SOX5: variants seen among roughly 807,000 people sequenced by gnomAD.
The protein encoded by SOX5 is SRY-box transcription factor 5, also known as transcription factor SOX-5.
Under a neutral mutation model 92.0 loss-of-function variants are expected in SOX5, and 9 were observed. The observed-to-expected ratio is 0.10, with a 90% CI of 0.06 to 0.17. The LOEUF is 0.17. SOX5 is among the 10% of genes least tolerant of loss of function. SOX5 has a pLI of 1.00. For synonymous variants in SOX5, 344 were observed against 336.3 expected, an observed-to-expected ratio of 1.02 and a Z score of -0.25; for missense variants, 642 against 944.5, an observed-to-expected ratio of 0.68 and a Z score of 4.20.
At chr12:23,566,748 T>A (rs1035110962) in intron 10 of SOX5, among the ~76,000 whole-genome samples, 1 of 152,216 alleles carries the variant, frequency 6.6e-6, no homozygotes, top group African/African-American at 2.4e-5. Flanking sequence ...TGAGTAAATA[T>A]CATCTTTTAT....
intron 3 of SOX5, among the ~76,000 whole-genome samples, chr12:23,795,711 CAGTT>C (rs1366983989): frequency 1.3e-5 from 2 of 152,068 alleles, no homozygotes; most frequent in East Asian, 3.9e-4. Context: ...TGCTGTGTAT[CAGTT>C]AGTGAATTTC....
At chr12:23,578,046 G>A (rs573959858) in intron 9 of SOX5, among the ~76,000 whole-genome samples, 15 of 141,294 alleles carry the variant, frequency 1.1e-4, no homozygotes, top group African/African-American at 2.9e-4. Flanking sequence ...ACCTGAACCC[G>A]GGAGGCGGAG....
chr12:24,055,712 CAATT>C (rs1276607754), intron 4 of SOX5, among the ~76,000 whole-genome samples: 1 of 151,822 alleles, frequency 6.6e-6, no homozygotes, highest in African/African-American at 2.4e-5. Flanking sequence ...TCTTGTCTAA[CAATT>C]AGTTGCAAAG....
intron 2 of SOX5, among the ~76,000 whole-genome samples, chr12:24,358,630 C>T (rs992901073): frequency 2.8e-5 from 4 of 141,600 alleles, no homozygotes; most frequent in Non-Finnish European, 6.1e-5. Flanking sequence ...AAAAAATTGT[C>T]CTTTCACTGT....
chr12:23,951,731 T>C (rs1041262849), upstream of SOX5, among the ~76,000 whole-genome samples: 3 of 151,988 alleles, frequency 2.0e-5, no homozygotes, highest in Non-Finnish European at 4.4e-5. Context: ...TAACAAAACA[T>C]AGAACTATGA....
At chr12:24,222,824 G>T (rs1960817473) in intron 3 of SOX5, among the ~76,000 whole-genome samples, 1 of 152,130 alleles carries the variant, frequency 6.6e-6, no homozygotes, top group African/African-American at 2.4e-5. Context: ...TCTAATTGTG[G>T]GATTTCAAAC....
intron 1 of SOX5, among the ~76,000 whole-genome samples, chr12:24,523,117 C>T (rs1950397716): frequency 2.0e-5 from 3 of 151,908 alleles, no homozygotes; most frequent in African/African-American, 4.8e-5. Context: ...TATACACCAA[C>T]AATAAACTGA....
intron 3 of SOX5, among the ~76,000 whole-genome samples, chr12:23,836,529 G>T (rs1353662266): frequency 6.6e-6 from 1 of 151,956 alleles, no homozygotes; most frequent in African/African-American, 2.4e-5. Flanking sequence ...CAACCCATAT[G>T]CAAATCTAAT....
intron 4 of SOX5, among the ~76,000 whole-genome samples, chr12:24,133,704 A>T (rs1027787741): frequency 5.3e-5 from 8 of 152,072 alleles, no homozygotes; most frequent in Non-Finnish European, 1.2e-4. Flanking sequence ...ATAAAATGAG[A>T]TTCCTTAGGG....
At chr12:24,263,087 A>G (rs1277547669) in intron 3 of SOX5, among the ~76,000 whole-genome samples, 3 of 151,848 alleles carry the variant, frequency 2.0e-5, no homozygotes, top group South Asian at 4.2e-4. Context: ...TTAGCCGGAC[A>G]TGATGGCGGG....
intron 3 of SOX5, among the ~76,000 whole-genome samples, chr12:24,216,244 G>A (rs1035767640): frequency 3.3e-5 from 5 of 152,298 alleles, no homozygotes; most frequent in African/African-American, 9.6e-5. Flanking sequence ...AGCACTTTGG[G>A]AGGCCGAGGC....
intron 4 of SOX5, among the ~76,000 whole-genome samples, chr12:24,109,594 A>G (rs1356731362): frequency 6.6e-6 from 1 of 152,178 alleles, no homozygotes; most frequent in Non-Finnish European, 1.5e-5. Flanking sequence ...TCTTTATGCA[A>G]ATATCGAAGC....
intron 1 of SOX5, among the ~76,000 whole-genome samples, chr12:24,559,620 A>G (rs974427300): frequency 1.3e-5 from 2 of 152,184 alleles, no homozygotes; most frequent in South Asian, 4.1e-4. Flanking sequence ...TAAGCATTTA[A>G]ATTCATTCCT....
At chr12:23,718,130 ATG>A (rs1355635192) in intron 6 of SOX5, among the ~76,000 whole-genome samples, 2 of 152,200 alleles carry the variant, frequency 1.3e-5, no homozygotes, top group Non-Finnish European at 2.9e-5. Context: ...AGCCATAAAT[ATG>A]TGTGTATGTG....
intron 11 of SOX5, among the ~76,000 whole-genome samples, chr12:23,551,081 A>G (rs1200574415): frequency 1.3e-5 from 2 of 152,096 alleles, no homozygotes; most frequent in East Asian, 1.9e-4. Context: ...AAGCTCACAA[A>G]GCTATAAAAG....
chr12:24,194,565 G>T (rs577112463), intron 4 of SOX5, among the ~76,000 whole-genome samples: 135 of 152,076 alleles, frequency 8.9e-4, no homozygotes, highest in Non-Finnish European at 1.7e-3. Flanking sequence ...ATAAATATAT[G>T]TATATTTTGT....
At chr12:24,363,532 A>C (rs972807305) in intron 2 of SOX5, among the ~76,000 whole-genome samples, 2 of 152,190 alleles carry the variant, frequency 1.3e-5, no homozygotes, top group Non-Finnish European at 2.9e-5. Flanking sequence ...CAAGTGTAGA[A>C]TTTATAGCAA....
chr12:24,074,082 C>A (rs888157900), intron 4 of SOX5, among the ~76,000 whole-genome samples: 1 of 151,962 alleles, frequency 6.6e-6, no homozygotes, highest in Non-Finnish European at 1.5e-5. Context: ...AGATGTAGAA[C>A]AAGTTCAGTA....
intron 3 of SOX5, among the ~76,000 whole-genome samples, chr12:23,826,429 T>C (rs547937038): frequency 1.3e-5 from 2 of 152,232 alleles, no homozygotes; most frequent in East Asian, 1.9e-4. Context: ...ATGGCTATAG[T>C]TCTCCTTCAA....
Sources: gnomAD v4.1 joint callset for allele counts (sites outside exome capture counted in the v4.1 genomes callset) on GRCh38, gnomAD v4.1.1 for gene constraint, MANE v1.5 for transcripts, NCBI Gene and HGNC (gene_info 2026-07-23, HGNC 2026-07-21) for gene names.